SELENOI: variants seen among roughly 807,000 people sequenced by gnomAD.
SELENOI encodes the protein selenoprotein I, also known as ethanolaminephosphotransferase 1.
A neutral mutation model predicts 50.7 loss-of-function variants in SELENOI; 24 were observed. The ratio of observed to expected loss-of-function variants is 0.47; its 90% CI spans 0.34 to 0.67. The LOEUF is 0.67. SELENOI is among the 30% of genes least tolerant of loss of function. The probability of loss-of-function intolerance (pLI) is 0.01; values close to 1 mark genes in which losing one functional copy is unlikely to be tolerated. For missense variants in SELENOI, 352 were observed against 461.4 expected (o/e 0.76, Z 2.17); for synonymous variants, 155 against 170.2 (o/e 0.91, Z 0.70).
chr2:26,382,062 C>A (rs1030947301), intron 6 of SELENOI, among the ~76,000 whole-genome samples: 2 of 152,112 alleles, frequency 1.3e-5, no homozygotes, highest in African/African-American at 4.8e-5. Context: ...CACTATAGAT[C>A]ATAGGATCAA....
intron 1 of SELENOI, among the ~76,000 whole-genome samples, chr2:26,359,682 A>C (rs1677135008): frequency 6.6e-6 from 1 of 152,170 alleles, no homozygotes; most frequent in African/African-American, 2.4e-5. Context: ...TGTAGAGCAA[A>C]ATGAAAACAC....
At chr2:26,365,144 T>C (rs1049074733) in intron 3 of SELENOI, among the ~76,000 whole-genome samples, 2 of 152,222 alleles carry the variant, frequency 1.3e-5, no homozygotes, top group African/African-American at 4.8e-5. Context: ...TACATGAAGA[T>C]GGAAAATTAA....
At chr2:26,382,581 G>A (rs1020461881) in intron 6 of SELENOI, among the ~76,000 whole-genome samples, 1 of 128,968 alleles carries the variant, frequency 7.8e-6, no homozygotes. Flanking sequence ...GCAGAAGATA[G>A]TAGATAGTGA....
In SELENOI at chr2:26,352,343, T is replaced by G. The variant is rs149000753; in HGVS notation, c.57+6054T>G. On this transcript the variant is annotated intron_variant, in intron 1 of 9. Transcript: ENST00000260585. Reference sequence around the variant, plus strand: ...AGGATGCTTCTGCATAAAACTAAGTTAAGAAATGTCAAAGGCCTGAACTAA... The same window carrying G: ...AGGATGCTTCTGCATAAAACTAAGTGAAGAAATGTCAAAGGCCTGAACTAA... Among the ~76,000 whole-genome samples, 23 of 152,046 alleles carry G rather than the reference T, an allele frequency of 1.5e-4. No homozygotes were observed. The East Asian group carries it at 4.2e-3, about 28-fold the overall frequency.
intron 1 of SELENOI, among the ~76,000 whole-genome samples, chr2:26,355,968 C>G (rs1394390568): frequency 2.0e-5 from 3 of 152,142 alleles, no homozygotes; most frequent in Non-Finnish European, 4.4e-5. Flanking sequence ...TCTTGAAGCT[C>G]TGGGTTCAAG....
chr2:26,370,464 C>T lies in SELENOI; in HGVS notation c.311-2903C>T, dbSNP rs376446652. On this transcript the variant is annotated intron_variant, in intron 4 of 9. Transcript: ENST00000260585. ...GCAGAGGCACCCCTCACCTCCCGGACGGGGCGGCTGGCTGGGCGGGGGGCT... is the reference window on the plus strand; with the variant it reads ...GCAGAGGCACCCCTCACCTCCCGGATGGGGCGGCTGGCTGGGCGGGGGGCT... Among the ~76,000 whole-genome samples the T allele has an allele frequency of 4.2e-3, 632 of 151,480 alleles. 14 individuals carry two copies. In the South Asian group the frequency reaches 0.07, roughly 17 times the overall value.
At position 26,392,844 on chromosome 2, in the gene SELENOI, G is replaced by A. The variant is rs1305605158; in HGVS notation, c.*3741G>A. ...GACCAGAATTTTCTTTGTCCCATGAGGTGTCTTTGTAAGTCAGCATGCTCT... is the reference window on the plus strand; with the variant it reads ...GACCAGAATTTTCTTTGTCCCATGAAGTGTCTTTGTAAGTCAGCATGCTCT... On this transcript the variant is annotated 3_prime_UTR_variant, in exon 10 of 10. Coordinates refer to ENST00000260585, the MANE Select transcript of SELENOI (RefSeq NM_033505.4). 2 of 152,196 alleles carry A rather than the reference G, an allele frequency of 1.3e-5. No homozygotes were observed. Among genetic ancestry groups the A allele is most frequent in the Non-Finnish European group, 2.9e-5 (2 of 68,044 alleles). The allele number at this position is 152,196 out of a possible 1,614,324, so 9.4% of individuals were successfully genotyped here.
At chr2:26,385,380 T>G (rs1287169797) in intron 8 of SELENOI, among the ~76,000 whole-genome samples, 1 of 152,170 alleles carries the variant, frequency 6.6e-6, no homozygotes, top group Non-Finnish European at 1.5e-5. Context: ...ACTTAAATTT[T>G]TTATTTTGGT....
Position 26,383,297 on chromosome 2 carries a change from A to T in SELENOI, c.683-2A>T. ...TAATAATTGAATAATTATTCCCTTTAGGTTGTGCATTATGTGTGACTCTTC... is the reference window on the plus strand; with the variant it reads ...TAATAATTGAATAATTATTCCCTTTTGGTTGTGCATTATGTGTGACTCTTC... On this transcript the variant is annotated splice_acceptor_variant, in intron 6 of 9. Coordinates refer to ENST00000260585, the MANE Select transcript of SELENOI (RefSeq NM_033505.4). LOFTEE classifies it high-confidence loss of function. 6.5e-7 allele frequency: 1 copy of T among 1,533,146 alleles called. No homozygotes were observed. Among genetic ancestry groups the T allele is most frequent in the Non-Finnish European group, 8.9e-7 (1 of 1,128,878 alleles). 95.0% of individuals were successfully genotyped at this position (1,533,146 alleles called of 1,614,324 possible).
At position 26,391,593 on chromosome 2, in the gene SELENOI, A is replaced by G. The variant is rs1437187110; in HGVS notation, c.*2490A>G. On this transcript the variant is annotated 3_prime_UTR_variant, in exon 10 of 10. Transcript: ENST00000260585. ...GGGGAGCAATGCCATGATAAGGAGC[A>G]TACGTGCATGTTTTCCGTACTTTCA... 6.6e-6 allele frequency: 1 copy of G among 152,218 alleles called. No individual in the cohort carries two copies. Among genetic ancestry groups the G allele is most frequent in the Non-Finnish European group, 1.5e-5 (1 of 68,054 alleles). 9.4% of individuals were successfully genotyped at this position (152,218 alleles called of 1,614,324 possible).
At chr2:26,351,929 C>G (rs962236099) in intron 1 of SELENOI, among the ~76,000 whole-genome samples, 3 of 152,134 alleles carry the variant, frequency 2.0e-5, no homozygotes, top group African/African-American at 7.2e-5. Context: ...ATTGCTTGAG[C>G]CCAGTAGTTT....
intron 4 of SELENOI, among the ~76,000 whole-genome samples, chr2:26,371,722 G>T (rs1036828225): frequency 6.6e-6 from 1 of 152,236 alleles, no homozygotes; most frequent in Non-Finnish European, 1.5e-5. Flanking sequence ...CCAGTCAGGC[G>T]TGGCGGCGTG....
chr2:26,362,761 A>AG (rs1397170730), intron 1 of SELENOI, among the ~76,000 whole-genome samples: 1 of 152,162 alleles, frequency 6.6e-6, no homozygotes, highest in Admixed American at 6.5e-5. Context: ...CTCAAAAAAA[A>AG]GAAAAAAAAA....
At chr2:26,369,619 C>T (rs1029906054) in intron 4 of SELENOI, among the ~76,000 whole-genome samples, 1 of 152,212 alleles carries the variant, frequency 6.6e-6, no homozygotes, top group African/African-American at 2.4e-5. Context: ...TCTCTCCAGC[C>T]TGTCATTCAT....
chr2:26,369,023 A>T (rs1191721333), intron 4 of SELENOI, among the ~76,000 whole-genome samples: 1 of 152,220 alleles, frequency 6.6e-6, no homozygotes, highest in Non-Finnish European at 1.5e-5. Flanking sequence ...CCGTAATTAT[A>T]GGAGTTAATT....
intron 4 of SELENOI, among the ~76,000 whole-genome samples, chr2:26,373,072 AAAGACAGAGTTTTGCT>A (rs1677492562): frequency 6.6e-6 from 1 of 152,092 alleles, no homozygotes; most frequent in South Asian, 2.1e-4. Context: ...AATTTTTTGT[AAAGACAGAGTTTTGCT>A]ATGTTGCCCA....
chr2:26,361,200 T>C (rs754614489), intron 1 of SELENOI, among the ~76,000 whole-genome samples: 1 of 152,052 alleles, frequency 6.6e-6, no homozygotes, highest in Non-Finnish European at 1.5e-5. Context: ...GGAGACAGAG[T>C]GAGACTCCGT....
chr2:26,362,589 C>T (rs891466570), intron 1 of SELENOI, among the ~76,000 whole-genome samples: 3 of 151,598 alleles, frequency 2.0e-5, no homozygotes, highest in Admixed American at 6.6e-5. Context: ...GGTGAAACCC[C>T]GTCTCTACTA....
chr2:26,386,405 T>C lies in SELENOI; in HGVS notation c.964T>C (p.Trp322Arg), dbSNP rs760034838. 14 of 1,613,956 alleles carry C rather than the reference T, an allele frequency of 8.7e-6. No homozygotes were observed. The South Asian group carries it at 1.4e-4, about 16-fold the overall frequency. Reference sequence around the variant, plus strand: ...TAGTACCCGGTGTCCAACTTTGAATTGGTTGCTGGTTCCTCTCTTCTTGGT... The same window carrying C: ...TAGTACCCGGTGTCCAACTTTGAATCGGTTGCTGGTTCCTCTCTTCTTGGT... ...MSSTRCPTLN[W>R]LLVPLFLVVL... is the part of the protein sequence containing the mutation. Residue 322 changes from tryptophan (W) to arginine (R), a missense_variant, in exon 9 of 10, where the codon TGG becomes CGG. By Grantham distance (101) the Trp-to-Arg change is moderately radical. Coordinates refer to ENST00000260585, the MANE Select transcript of SELENOI (RefSeq NM_033505.4).
Sources: gnomAD v4.1 joint callset for allele counts (sites outside exome capture counted in the v4.1 genomes callset) on GRCh38, gnomAD v4.1.1 for gene constraint, MANE v1.5 for transcripts, NCBI Gene and HGNC (gene_info 2026-07-23, HGNC 2026-07-21) for gene names.